EBF1: variants seen among roughly 807,000 people sequenced by gnomAD.
EBF1 encodes EBF transcription factor 1.
EBF1 carries 10 observed loss-of-function variants against 68.4 expected under a neutral mutation model. The ratio of observed to expected loss-of-function variants is 0.15; its 90% CI spans 0.09 to 0.25. The LOEUF (loss-of-function observed/expected upper bound fraction) is 0.25, where lower values mean the gene tolerates loss of function less well. Ranked by LOEUF, EBF1 falls within the 10% of genes least tolerant of loss-of-function variation. The pLI is 1.00. For missense variants in EBF1, 509 were observed against 794.4 expected (o/e 0.64, Z 4.32); for synonymous variants, 298 against 299.8 (o/e 0.99, Z 0.06).
intron 6 of EBF1, among the ~76,000 whole-genome samples, chr5:158,856,784 T>C (rs55727876): frequency 0.053 from 8,030 of 152,208 alleles, 292 homozygotes; most frequent in Non-Finnish European, 0.071. Flanking sequence ...ATGGCAGATA[T>C]AGACAATATT....
rs368818796 is a variant in EBF1 at position 158,956,950 on chromosome 5, G to A, written c.554+116446C>T. Among the ~76,000 whole-genome samples the A allele has an allele frequency of 1.8e-4, 27 of 152,166 alleles. No individual in the cohort carries two copies. In the East Asian group the frequency reaches 2.1e-3, roughly 12 times the overall value. ...ATTTTTTGTATTTTTAGTAGAGACC[G>A]GGTTTCACCGTGTTAGCCAAGATGG... On this transcript the variant is annotated intron_variant, in intron 6 of 15. Coordinates refer to ENST00000313708, the MANE Select transcript of EBF1 (RefSeq NM_024007.5).
chr5:158,767,923 T>C (rs1773087650), intron 10 of EBF1, among the ~76,000 whole-genome samples: 1 of 152,154 alleles, frequency 6.6e-6, no homozygotes. Flanking sequence ...GGGTTTTAGA[T>C]GAGTTCCATT....
At chr5:158,879,910 C>T (rs1798554572) in intron 6 of EBF1, among the ~76,000 whole-genome samples, 1 of 152,146 alleles carries the variant, frequency 6.6e-6, no homozygotes, top group African/African-American at 2.4e-5. Context: ...CTCTCCCGAA[C>T]CAGGCTTTCT....
rs1782501756 is a variant in EBF1, at chr5:159,095,808, A to C, written c.356-133T>G. ...TATCACGAAAGGGGCTCCAAGGCTG[A>C]TTGGAACTCCCACTGTCCTGGAAAA... is the stretch of plus-strand genomic sequence containing the variant. On this transcript the variant is annotated intron_variant, in intron 3 of 15. Transcript: ENST00000313708. 9.2e-6 allele frequency: 8 copies of C among 870,192 alleles called. No individual in the cohort carries two copies. In the South Asian group the frequency reaches 1.2e-4, roughly 13 times the overall value. 53.9% of individuals were successfully genotyped at this position (870,192 alleles called of 1,614,324 possible). A position where few individuals can be genotyped will look rare whatever the true frequency, so the allele number is the denominator to read the frequency against.
intron 7 of EBF1, among the ~76,000 whole-genome samples, chr5:158,834,807 C>T (rs1240932705): frequency 6.6e-6 from 1 of 152,196 alleles, no homozygotes; most frequent in Non-Finnish European, 1.5e-5. Context: ...CACGCTCCTG[C>T]GTTGCTATAT....
intron 6 of EBF1, among the ~76,000 whole-genome samples, chr5:159,031,300 G>C (rs1219509151): frequency 6.6e-6 from 1 of 152,176 alleles, no homozygotes; most frequent in East Asian, 1.9e-4. Context: ...AACTAGAAAG[G>C]GATCCTGTAT....
chr5:158,802,276 T>C (rs1469644476), intron 8 of EBF1, among the ~76,000 whole-genome samples: 3 of 152,186 alleles, frequency 2.0e-5, no homozygotes. Context: ...CGATGTGACA[T>C]TATGAAAGCC....
In EBF1 at chr5:158,758,075, G is replaced by A. The variant is rs138808215; in HGVS notation, c.1036+19338C>T. ...TTATCATGTGCCAAGTACTTTACTCGTATTATTTCAATTGTCACAACAAAC... is the reference window on the plus strand; with the variant it reads ...TTATCATGTGCCAAGTACTTTACTCATATTATTTCAATTGTCACAACAAAC... On this transcript the variant is annotated intron_variant, in intron 10 of 15. Transcript: ENST00000313708. Among the ~76,000 whole-genome samples, 320 of 152,198 alleles carry A rather than the reference G, an allele frequency of 2.1e-3. 2 individuals are homozygous for A. The highest frequency in any genetic ancestry group is 7.2e-3 in the African/African-American group (297 of 41,534).
intron 6 of EBF1, among the ~76,000 whole-genome samples, chr5:158,873,514 TA>T (rs1797266846): frequency 6.6e-6 from 1 of 152,202 alleles, no homozygotes; most frequent in Non-Finnish European, 1.5e-5. Context: ...CTTTTATCCC[TA>T]ATAAACTTAT....
In EBF1 at chr5:158,997,307, C is replaced by T. The variant is rs1194531999; in HGVS notation, c.554+76089G>A. ...GACCCTCTAAAGAGCAGAGGCCAGG[C>T]GGAGGACCCTTGAACTGGGTCTGTG... On this transcript the variant is annotated intron_variant, in intron 6 of 15. Coordinates refer to ENST00000313708, the MANE Select transcript of EBF1 (RefSeq NM_024007.5). Among the ~76,000 whole-genome samples, 7 of 152,272 alleles carry T rather than the reference C, an allele frequency of 4.6e-5. No individual in the cohort carries two copies. The East Asian group carries it at 5.8e-4, about 13-fold the overall frequency.
At chr5:158,916,764 T>C (rs1807283967) in intron 6 of EBF1, among the ~76,000 whole-genome samples, 2 of 152,200 alleles carry the variant, frequency 1.3e-5, no homozygotes, top group Admixed American at 1.3e-4. Context: ...TCCCTCACTT[T>C]TCAATTACAT....
chr5:158,776,028 A>T (rs903596117), intron 10 of EBF1, among the ~76,000 whole-genome samples: 2 of 152,128 alleles, frequency 1.3e-5, no homozygotes, highest in South Asian at 4.1e-4. Flanking sequence ...CTCCAGAAAG[A>T]CTATTATTTT....
chr5:158,844,361 G>A (rs1790984892), intron 6 of EBF1, among the ~76,000 whole-genome samples: 2 of 151,890 alleles, frequency 1.3e-5, no homozygotes, highest in African/African-American at 4.8e-5. Flanking sequence ...TATAAATTAG[G>A]TGCACCAGGA....
rs553293569 is a variant in EBF1, at chr5:158,809,260, T to C, written c.779-12785A>G. ...CCTTGAGCAGTAGGCAAACAGACCA[T>C]GTTCCTCATTCCACTTTACAAATGA... On this transcript the variant is annotated intron_variant, in intron 8 of 15. Transcript: ENST00000313708. 1.1e-4 allele frequency among the ~76,000 whole-genome samples: 17 copies of C among 152,300 alleles called. No individual in the cohort carries two copies. The East Asian group carries it at 2.5e-3, about 23-fold the overall frequency.
intron 8 of EBF1, among the ~76,000 whole-genome samples, chr5:158,813,387 C>G (rs146261557): frequency 1.3e-5 from 2 of 152,188 alleles, no homozygotes; most frequent in Non-Finnish European, 2.9e-5. Flanking sequence ...GTACACAACA[C>G]CTTCCCAGCT....
intron 8 of EBF1, among the ~76,000 whole-genome samples, chr5:158,806,076 A>C (rs1441566873): frequency 6.6e-6 from 1 of 152,118 alleles, no homozygotes; most frequent in Non-Finnish European, 1.5e-5. Flanking sequence ...CCCTAGAAGC[A>C]GTGAAGTCAT....
rs564329246 is a variant in EBF1, at chr5:159,085,897, G to A, written c.412-1158C>T. 5.9e-5 allele frequency among the ~76,000 whole-genome samples: 9 copies of A among 152,120 alleles called. No homozygotes were observed. In the South Asian group the frequency reaches 8.3e-4, roughly 14 times the overall value. ...CCTGTAAATGATGAATATAACTTGCGACCCAGTGTGTATAGATCCTCAGAG... is the reference window on the plus strand; with the variant it reads ...CCTGTAAATGATGAATATAACTTGCAACCCAGTGTGTATAGATCCTCAGAG... On this transcript the variant is annotated intron_variant, in intron 4 of 15. Coordinates refer to ENST00000313708, the MANE Select transcript of EBF1 (RefSeq NM_024007.5).
At chr5:158,901,074 G>A (rs116559105) in intron 6 of EBF1, among the ~76,000 whole-genome samples, 3,361 of 152,246 alleles carry the variant, frequency 0.022, 133 homozygotes, top group African/African-American at 0.076. Flanking sequence ...GTCTACTCCT[G>A]GACTATTGAG....
chr5:158,814,581 T>C (rs948962970), intron 8 of EBF1, among the ~76,000 whole-genome samples: 4 of 152,124 alleles, frequency 2.6e-5, no homozygotes, highest in African/African-American at 9.7e-5. Context: ...CCTCCCTATA[T>C]CCAAATCGGT....
Sources: allele counts gnomAD v4.1 joint callset (sites outside exome capture counted in the v4.1 genomes callset), GRCh38; gene constraint gnomAD v4.1.1; transcripts MANE v1.5; gene names NCBI Gene and HGNC (gene_info 2026-07-23, HGNC 2026-07-21).